THADA: variants seen among roughly 807,000 people sequenced by gnomAD.
THADA encodes THADA armadillo repeat containing, also known as tRNA (32-2'-O)-methyltransferase regulator THADA.
A neutral mutation model predicts 219.8 loss-of-function variants in THADA; 213 were observed. That is an observed-to-expected ratio of 0.97 (90% CI 0.87 to 1.09). THADA has a LOEUF of 1.09. THADA is among the 50% of genes least tolerant of loss of function. THADA has a pLI of 0.00. For synonymous variants in THADA, 1,018 were observed against 828.9 expected (o/e 1.23, Z -3.92); for missense variants, 2,956 against 2,311.3 (o/e 1.28, Z -5.72).
chr2:43,313,846 C>T (rs1167536854), intron 31 of THADA, among the ~76,000 whole-genome samples: 4 of 152,188 alleles, frequency 2.6e-5, no homozygotes, highest in East Asian at 1.9e-4. Flanking sequence ...TGACTCTGGC[C>T]CTGGTTGTGC....
chr2:43,242,677 C>A (rs1235172665), intron 36 of THADA, among the ~76,000 whole-genome samples: 3 of 152,122 alleles, frequency 2.0e-5, no homozygotes, highest in Admixed American at 2.0e-4. Context: ...TTGGTAGAGA[C>A]AGGGTTTCAC....
chr2:43,303,730 G>A (rs1218163926), intron 31 of THADA, among the ~76,000 whole-genome samples: 1 of 131,472 alleles, frequency 7.6e-6, no homozygotes, highest in Admixed American at 8.2e-5. Context: ...ACTTTAGGTG[G>A]GGCCGGGGGT....
chr2:43,469,143 C>G (rs1684613483), intron 26 of THADA, among the ~76,000 whole-genome samples: 1 of 152,074 alleles, frequency 6.6e-6, no homozygotes. Context: ...TGGGGGAAAT[C>G]AGCATACTGT....
At chr2:43,261,048 T>C (rs1282752374) in intron 36 of THADA, among the ~76,000 whole-genome samples, 2 of 152,118 alleles carry the variant, frequency 1.3e-5, no homozygotes, top group Non-Finnish European at 2.9e-5. Context: ...TTTTACCCGA[T>C]ATGTAAAGGC....
chr2:43,328,178 T>C (rs1679548293), intron 30 of THADA, among the ~76,000 whole-genome samples: 4 of 152,220 alleles, frequency 2.6e-5, no homozygotes, highest in Admixed American at 1.3e-4. Context: ...ATAGGGGACT[T>C]GTTTAAATCA....
intron 21 of THADA, among the ~76,000 whole-genome samples, chr2:43,530,108 AG>A (rs1344450464): frequency 6.6e-6 from 1 of 152,212 alleles, no homozygotes. Flanking sequence ...AGAATCAGAT[AG>A]GAGACTAACA....
intron 26 of THADA, among the ~76,000 whole-genome samples, chr2:43,455,663 C>G (rs1450416757): frequency 6.6e-6 from 1 of 152,142 alleles, no homozygotes; most frequent in Non-Finnish European, 1.5e-5. Flanking sequence ...AGAAGCCTAT[C>G]CTGAATAAGC....
At chr2:43,306,879 CTCT>C (rs1676925721) in intron 31 of THADA, among the ~76,000 whole-genome samples, 1 of 152,178 alleles carries the variant, frequency 6.6e-6, no homozygotes. Flanking sequence ...TCAGTTTTAT[CTCT>C]TGATAGCTGC....
chr2:43,401,037 T>C (rs905039460), intron 28 of THADA, among the ~76,000 whole-genome samples: 1 of 152,134 alleles, frequency 6.6e-6, no homozygotes, highest in African/African-American at 2.4e-5. Flanking sequence ...ATAAAACAAA[T>C]ACACTTAAGG....
intron 31 of THADA, among the ~76,000 whole-genome samples, chr2:43,311,344 A>G (rs1416766643): frequency 6.6e-6 from 1 of 152,226 alleles, no homozygotes; most frequent in Non-Finnish European, 1.5e-5. Context: ...TAGGATGGCT[A>G]TTAATAAAAC....
chr2:43,496,273 T>C (rs571349498), intron 25 of THADA, among the ~76,000 whole-genome samples: 155 of 152,338 alleles, frequency 1.0e-3, no homozygotes, highest in African/African-American at 3.4e-3. Flanking sequence ...GAAAACAAAC[T>C]ATAATGTTTC....
intron 26 of THADA, among the ~76,000 whole-genome samples, chr2:43,469,925 C>T (rs749853532): frequency 1.3e-5 from 2 of 151,870 alleles, no homozygotes; most frequent in Admixed American, 1.3e-4. Flanking sequence ...TCAAGAAATC[C>T]GACAAGGGCC....
At position 43,515,038 on chromosome 2, in the gene THADA, A is replaced by T. The variant is rs1413685169; in HGVS notation, c.3375-6258T>A. ...TATATATTTTATATATAATATATATAAATATATATATTTTATATATAATAT... is the reference window on the plus strand; with the variant it reads ...TATATATTTTATATATAATATATATTAATATATATATTTTATATATAATAT... On this transcript the variant is annotated intron_variant, in intron 22 of 37. Transcript: ENST00000405975. Among the ~76,000 whole-genome samples, 192 of 33,814 alleles carry T rather than the reference A, an allele frequency of 5.7e-3. 9 individuals are homozygous for T. Among genetic ancestry groups the T allele is most frequent in the African/African-American group, 0.022 (182 of 8,462 alleles). The allele number at this position is 33,814 out of a possible 152,430, so 22.2% of individuals were successfully genotyped here.
At chr2:43,514,378 G>C (rs971443763) in intron 22 of THADA, among the ~76,000 whole-genome samples, 1 of 149,370 alleles carries the variant, frequency 6.7e-6, no homozygotes, top group Non-Finnish European at 1.5e-5. Context: ...TTGAGCCCAA[G>C]AGGCAGAGGT....
At chr2:43,592,236 T>C (rs1701656368) in intron 2 of THADA, 81 bp downstream of exon 2, 1 of 1,096,408 alleles carries the variant, frequency 9.1e-7, no homozygotes, top group South Asian at 1.5e-5. Flanking sequence ...TTGAATATTA[T>C]ATGCTAGGGG....
chr2:43,575,851 A>G (rs10204146), intron 10 of THADA, among the ~76,000 whole-genome samples: 2,794 of 152,230 alleles, frequency 0.018, 91 homozygotes, highest in African/African-American at 0.064. Flanking sequence ...ATGTAATTTA[A>G]AAGATAAGGA....
chr2:43,328,025 C>G (rs1463019866), intron 30 of THADA, among the ~76,000 whole-genome samples: 1 of 152,156 alleles, frequency 6.6e-6, no homozygotes, highest in Non-Finnish European at 1.5e-5. Context: ...TTAGGAGGTA[C>G]TTCTTTTGAT....
At chr2:43,437,585 G>A (rs1680280811) in intron 26 of THADA, among the ~76,000 whole-genome samples, 1 of 152,196 alleles carries the variant, frequency 6.6e-6, no homozygotes, top group Non-Finnish European at 1.5e-5. Context: ...AGCCAACAGT[G>A]TGATGTATTC....
chr2:43,409,354 CTT>C (rs552337891), intron 28 of THADA, among the ~76,000 whole-genome samples: 1 of 143,434 alleles, frequency 7.0e-6, no homozygotes. Context: ...CAAAAAATTG[CTT>C]TTTTTTTTTG....
Sources: allele counts gnomAD v4.1 joint callset (sites outside exome capture counted in the v4.1 genomes callset), GRCh38; gene constraint gnomAD v4.1.1; transcripts MANE v1.5; gene names NCBI Gene and HGNC (gene_info 2026-07-23, HGNC 2026-07-21).